The following RIPOR2 variants were observed in gnomAD, a reference collection of about 807,000 sequenced individuals.
The protein encoded by RIPOR2 is rho family-interacting cell polarization regulator 2.
Under a neutral mutation model 114.5 loss-of-function variants are expected in RIPOR2, and 39 were observed. The ratio of observed to expected loss-of-function variants is 0.34; its 90% CI spans 0.26 to 0.44. RIPOR2 has a LOEUF of 0.44. RIPOR2 is among the 20% of genes least tolerant of loss of function. RIPOR2 has a pLI of 1.00. For synonymous variants in RIPOR2, 445 were observed against 484.4 expected, an observed-to-expected ratio of 0.92 and a Z score of 1.07; for missense variants, 1,007 against 1,255.1, an observed-to-expected ratio of 0.80 and a Z score of 2.99.
chr6:25,001,309 G>T (rs982270193), intron 1 of RIPOR2, among the ~76,000 whole-genome samples: 1 of 152,076 alleles, frequency 6.6e-6, no homozygotes, highest in East Asian at 1.9e-4. Context: ...TAGGTCAGGG[G>T]TTAGCAAACT....
At chr6:24,986,826 C>A (rs980339633) in intron 1 of RIPOR2, among the ~76,000 whole-genome samples, 2 of 151,906 alleles carry the variant, frequency 1.3e-5, no homozygotes, top group African/African-American at 4.8e-5. Flanking sequence ...GCAGGGGTGT[C>A]CAATCTTTTG....
intron 15 of RIPOR2, among the ~76,000 whole-genome samples, chr6:24,833,153 T>G (rs1264106935): frequency 2.0e-5 from 3 of 152,192 alleles, no homozygotes; most frequent in Non-Finnish European, 4.4e-5. Flanking sequence ...GAGACCTGTC[T>G]CAATCACCTG....
chr6:24,964,115 GCAGTATCAAAACAAGGAAAT>G, intron 1 of RIPOR2, among the ~76,000 whole-genome samples: 1 of 148,408 alleles, frequency 6.7e-6, no homozygotes, highest in East Asian at 2.1e-4. Context: ...TGACATTGGT[GCAGTATCAAAACAAGGAAAT>G]TGACATTGGC....
chr6:24,835,940 T>C (rs1761072676), intron 14 of RIPOR2, 69 bp from the exon 15 acceptor site: 1 of 1,462,590 alleles, frequency 6.8e-7, no homozygotes, highest in African/African-American at 1.4e-5. Flanking sequence ...GTCCACATGG[T>C]TTGCATCGGG....
At chr6:25,019,508 G>A (rs1581961379) in intron 1 of RIPOR2, among the ~76,000 whole-genome samples, 1 of 151,948 alleles carries the variant, frequency 6.6e-6, no homozygotes, top group Non-Finnish European at 1.5e-5. Flanking sequence ...GGTGGCTCAC[G>A]CCTGTAATCC....
At chr6:24,995,610 A>G (rs1775010501) in intron 1 of RIPOR2, among the ~76,000 whole-genome samples, 1 of 152,218 alleles carries the variant, frequency 6.6e-6, no homozygotes, top group Non-Finnish European at 1.5e-5. Flanking sequence ...ACAACTCCAC[A>G]AAGCTCTGCT....
intron 1 of RIPOR2, among the ~76,000 whole-genome samples, chr6:24,959,391 G>A (rs971938124): frequency 2.0e-5 from 3 of 152,154 alleles, no homozygotes; most frequent in African/African-American, 7.2e-5. Flanking sequence ...GTCCATGACA[G>A]GTCCTAGGAG....
At chr6:24,995,864 G>A (rs924862950) in intron 1 of RIPOR2, among the ~76,000 whole-genome samples, 7 of 149,182 alleles carry the variant, frequency 4.7e-5, no homozygotes, top group Non-Finnish European at 8.9e-5. Flanking sequence ...GTGCAGTGGC[G>A]TGATCTCAGC....
Position 24,954,602 on chromosome 6 carries a change from T to C in RIPOR2, c.77-78785A>G, listed in dbSNP as rs1312728396. Among the ~76,000 whole-genome samples the C allele has an allele frequency of 3.3e-5, 5 of 151,914 alleles. No homozygotes were observed. The East Asian group carries it at 9.6e-4, about 29-fold the overall frequency. On this transcript the variant is annotated intron_variant, in intron 1 of 13. Transcript: ENST00000510784. ...TCCCAGGTAGCTGGGACTACAGGCA[T>C]GTGTCACCATGCCTGGCAAATTTTT...
chr6:24,861,068 C>CT (rs1489126399), intron 7 of RIPOR2, 32 bp from the exon 8 acceptor site: 1 of 1,529,728 alleles, frequency 6.5e-7, no homozygotes, highest in South Asian at 1.1e-5. Context: ...ATCATGAGAG[C>CT]TAGCCTTTCA....
At chr6:24,976,485 G>C in intron 1 of RIPOR2, 1 of 1,572,216 alleles carries the variant, frequency 6.4e-7, no homozygotes, top group Non-Finnish European at 8.8e-7. Context: ...CATCTCCTTT[G>C]AGGTAAGGGG....
rs183395307 is a variant in RIPOR2, at chr6:25,024,295, C to T, written c.76+17556G>A. 2.6e-5 allele frequency: 39 copies of T among 1,527,086 alleles called. No homozygotes were observed. In the African/African-American group the frequency reaches 3.4e-4, roughly 13 times the overall value. The allele number at this position is 1,527,086 out of a possible 1,614,324, so 94.6% of individuals were successfully genotyped here. On this transcript the variant is annotated intron_variant, in intron 1 of 13. Coordinates refer to the RIPOR2 transcript ENST00000510784. ...TCTTCCACAAACTCCCTGATGACAT[C>T]CTCAATGAACACCTTTTTGGCCCCA...
At chr6:24,999,564 T>TC (rs1775202886) in intron 1 of RIPOR2, among the ~76,000 whole-genome samples, 1 of 151,608 alleles carries the variant, frequency 6.6e-6, no homozygotes, top group Non-Finnish European at 1.5e-5. Context: ...CATCCTTTTT[T>TC]TTTTTTTTTG....
chr6:24,908,125 C>A (rs562015409), intron 1 of RIPOR2, among the ~76,000 whole-genome samples: 1 of 152,326 alleles, frequency 6.6e-6, no homozygotes, highest in African/African-American at 2.4e-5. Context: ...GAGCTGTTCA[C>A]AAGCACGAGG....
At chr6:24,860,606 T>G (rs375928917) in intron 8 of RIPOR2, among the ~76,000 whole-genome samples, 7 of 152,234 alleles carry the variant, frequency 4.6e-5, no homozygotes, top group African/African-American at 1.7e-4. Context: ...AGCAGCAGAC[T>G]GACATATCTG....
chr6:24,880,184 T>G (rs1358356273), intron 1 of RIPOR2, among the ~76,000 whole-genome samples: 1 of 152,230 alleles, frequency 6.6e-6, no homozygotes, highest in Non-Finnish European at 1.5e-5. Flanking sequence ...TACAGGGATA[T>G]TCATCACAGG....
intron 1 of RIPOR2, chr6:24,976,475 C>T (rs1774054242): frequency 8.3e-6 from 13 of 1,571,190 alleles, no homozygotes; most frequent in Admixed American, 5.0e-5. Flanking sequence ...CCTTGGGCCG[C>T]ATCTCCTTTG....
chr6:25,034,462 T>C (rs1042881528), intron 1 of RIPOR2, among the ~76,000 whole-genome samples: 1 of 152,182 alleles, frequency 6.6e-6, no homozygotes, highest in African/African-American at 2.4e-5. Context: ...TTCAAGATGC[T>C]TTGCATTCCC....
chr6:25,038,114 T>C (rs1777327003), intron 1 of RIPOR2, among the ~76,000 whole-genome samples: 1 of 152,238 alleles, frequency 6.6e-6, no homozygotes, highest in African/African-American at 2.4e-5. Context: ...TTATACTATT[T>C]TCTCAACTTT....
Sources: gnomAD v4.1 joint callset for allele counts (sites outside exome capture counted in the v4.1 genomes callset) on GRCh38, gnomAD v4.1.1 for gene constraint, MANE v1.5 for transcripts, NCBI Gene and HGNC (gene_info 2026-07-23, HGNC 2026-07-21) for gene names.